The following TMEM132C variants were observed in gnomAD, a reference collection of about 807,000 sequenced individuals.
The protein encoded by TMEM132C is protein phosphatase 1, regulatory subunit 152.
TMEM132C carries 29 observed loss-of-function variants against 61.4 expected under a neutral mutation model. The observed-to-expected ratio is 0.47, with a 90% CI of 0.35 to 0.64. The LOEUF is 0.64. Ranked by LOEUF, TMEM132C falls within the 30% of genes least tolerant of loss-of-function variation. The pLI, the probability that TMEM132C is intolerant of heterozygous loss-of-function variation, is 0.00. For synonymous variants in TMEM132C, 656 were observed against 633.1 expected (o/e 1.04, Z -0.54); for missense variants, 1,408 against 1,476.9 (o/e 0.95, Z 0.76).
intron 1 of TMEM132C, among the ~76,000 whole-genome samples, chr12:128,273,499 CTCTG>C: frequency 6.6e-6 from 1 of 152,026 alleles, no homozygotes; most frequent in East Asian, 1.9e-4. Context: ...ATCTGATAAT[CTCTG>C]TCTTTTAAGT....
intron 1 of TMEM132C, among the ~76,000 whole-genome samples, chr12:128,274,320 T>C (rs1176286281): frequency 7.0e-6 from 1 of 142,596 alleles, no homozygotes; most frequent in Non-Finnish European, 1.6e-5. Context: ...GTCTTTTCTA[T>C]GTATAACATT....
In TMEM132C at chr12:128,532,143, G is replaced by A. The variant is rs143392775; in HGVS notation, c.975-11814G>A. On this transcript the variant is annotated intron_variant, in intron 2 of 8. Transcript: ENST00000435159. ...TGTTGCACGCATGCTAGCAGCAGGA[G>A]ATGTTCTTTTATGAGATTCATGAAC... Among the ~76,000 whole-genome samples the A allele has an allele frequency of 9.4e-4, 143 of 152,302 alleles. 2 individuals are homozygous for A. The highest frequency in any genetic ancestry group is 3.2e-3 in the African/African-American group (135 of 41,568).
intron 2 of TMEM132C, among the ~76,000 whole-genome samples, chr12:128,451,377 C>T (rs1476306229): frequency 6.6e-6 from 1 of 152,146 alleles, no homozygotes; most frequent in Non-Finnish European, 1.5e-5. Context: ...TTTGATTTTT[C>T]CCAGGCTTCC....
At chr12:128,406,602 C>T (rs1421752382) in intron 1 of TMEM132C, among the ~76,000 whole-genome samples, 1 of 152,212 alleles carries the variant, frequency 6.6e-6, no homozygotes, top group East Asian at 1.9e-4. Context: ...ATTAATTAGG[C>T]TGAAGGAGTG....
intron 1 of TMEM132C, chr12:128,293,979 A>G (rs1225712937): frequency 6.5e-6 from 1 of 154,482 alleles, no homozygotes; most frequent in African/African-American, 2.4e-5. Context: ...TTGGTGCAGA[A>G]TATTTCCGAA....
intron 4 of TMEM132C, among the ~76,000 whole-genome samples, chr12:128,621,806 C>CCTAG (rs901435823): frequency 1.3e-5 from 2 of 152,180 alleles, no homozygotes; most frequent in Non-Finnish European, 2.9e-5. Flanking sequence ...TTGCCCTGCC[C>CCTAG]CTAGGCCTTG....
chr12:128,367,361 A>G (rs1873900800), intron 1 of TMEM132C, among the ~76,000 whole-genome samples: 1 of 152,222 alleles, frequency 6.6e-6, no homozygotes, highest in Non-Finnish European at 1.5e-5. Flanking sequence ...TGTGCTCATT[A>G]TGCAAAATGG....
chr12:128,323,473 A>T (rs1372677903), intron 1 of TMEM132C, among the ~76,000 whole-genome samples: 1 of 152,270 alleles, frequency 6.6e-6, no homozygotes, highest in Non-Finnish European at 1.5e-5. Context: ...TTCTCTTCAT[A>T]GCCTTGCTCG....
rs550780106 is a variant in TMEM132C, at chr12:128,633,673, G to A, written c.1305+17338G>A. ...TTAAGAAGGCTGGAAGAATTAAATA[G>A]TAGTACCAAAAAGAGATGTTTGGGA... On this transcript the variant is annotated intron_variant, in intron 4 of 8. Transcript: ENST00000435159. 9.2e-5 allele frequency among the ~76,000 whole-genome samples: 14 copies of A among 152,306 alleles called. No homozygotes were observed. The East Asian group carries it at 2.5e-3, about 27-fold the overall frequency.
intron 5 of TMEM132C, among the ~76,000 whole-genome samples, chr12:128,685,647 A>G (rs12580525): frequency 0.33 from 49,996 of 152,160 alleles, 9,500 homozygotes; most frequent in Non-Finnish European, 0.42. Flanking sequence ...AAGTCCAGCA[A>G]CAATGGGGAG....
rs10654008 is a variant in TMEM132C at position 128,489,562 on chromosome 12, C to CATATAT, written c.975-54380_975-54375dup. On this transcript the variant is annotated intron_variant, in intron 2 of 8. Transcript: ENST00000435159. ...CCTCCATTATATATTTTTATATGCT[C>CATATAT]ATATATATATATATATATATTCTGT... Among the ~76,000 whole-genome samples, 642 of 138,388 alleles carry CATATAT rather than the reference C, an allele frequency of 4.6e-3. 10 individuals are homozygous for CATATAT. Among genetic ancestry groups the CATATAT allele is most frequent in the African/African-American group, 0.016 (608 of 38,438 alleles). 90.8% of individuals were successfully genotyped at this position (138,388 alleles called of 152,430 possible).
At chr12:128,301,776 G>A (rs766471347) in intron 1 of TMEM132C, among the ~76,000 whole-genome samples, 22 of 152,244 alleles carry the variant, frequency 1.4e-4, no homozygotes, top group Admixed American at 3.9e-4. Flanking sequence ...CCATTTTCAC[G>A]CTGCTGATAA....
chr12:128,304,343 G>T lies in TMEM132C; in HGVS notation c.85+36856G>T, dbSNP rs111515653. 5.7e-3 allele frequency among the ~76,000 whole-genome samples: 854 copies of T among 149,924 alleles called. 23 individuals are homozygous for T. The East Asian group carries it at 0.072, about 13-fold the overall frequency. On this transcript the variant is annotated intron_variant, in intron 1 of 8. Coordinates refer to ENST00000435159, the MANE Select transcript of TMEM132C (RefSeq NM_001136103.3). ...TTAGAAACAGCCTTTCAGGCTGGGC[G>T]TGGTGGCTCATGCCTGTAATCCCAG...
At chr12:128,356,376 AT>A (rs959356529) in intron 1 of TMEM132C, among the ~76,000 whole-genome samples, 2 of 152,146 alleles carry the variant, frequency 1.3e-5, no homozygotes, top group African/African-American at 4.8e-5. Context: ...AACCTAACCT[AT>A]TCTCTGTCTC....
chr12:128,518,955 T>C (rs1352888848), intron 2 of TMEM132C, among the ~76,000 whole-genome samples: 1 of 152,228 alleles, frequency 6.6e-6, no homozygotes, highest in African/African-American at 2.4e-5. Context: ...GTTAAATGTG[T>C]ATTAAATGTG....
chr12:128,675,824 A>C (rs985169014), intron 5 of TMEM132C, among the ~76,000 whole-genome samples: 5 of 149,568 alleles, frequency 3.3e-5, no homozygotes, highest in African/African-American at 1.2e-4. Flanking sequence ...TAGATGGTAG[A>C]TTTAGATAGA....
chr12:128,291,990 G>A (rs1235421362), intron 1 of TMEM132C, among the ~76,000 whole-genome samples: 1 of 152,132 alleles, frequency 6.6e-6, no homozygotes, highest in Admixed American at 6.5e-5. Flanking sequence ...CTTGGCCCCT[G>A]GAAACCCCCT....
chr12:128,424,218 C>T (rs1215686124), intron 2 of TMEM132C, among the ~76,000 whole-genome samples: 1 of 152,076 alleles, frequency 6.6e-6, no homozygotes, highest in Non-Finnish European at 1.5e-5. Flanking sequence ...CATGGCTGCT[C>T]AGATGTGAGT....
At chr12:128,374,990 C>CA (rs71069562) in intron 1 of TMEM132C, among the ~76,000 whole-genome samples, 4 of 141,354 alleles carry the variant, frequency 2.8e-5, no homozygotes, top group Non-Finnish European at 4.5e-5. Context: ...AAAACCATTC[C>CA]CAGCCTCAGC....
Sources: gnomAD v4.1 joint callset for allele counts (sites outside exome capture counted in the v4.1 genomes callset) on GRCh38, gnomAD v4.1.1 for gene constraint, MANE v1.5 for transcripts, NCBI Gene and HGNC (gene_info 2026-07-23, HGNC 2026-07-21) for gene names.